MYT1: variants seen among roughly 807,000 people sequenced by gnomAD.
MYT1 encodes myelin transcription factor 1.
In MYT1, 23 loss-of-function variants were observed where a neutral mutation model predicts 123.0. The ratio of observed to expected loss-of-function variants is 0.19; its 90% CI spans 0.13 to 0.26. MYT1 has a LOEUF of 0.26. Among genes scored for constraint, MYT1 ranks in the 10% least tolerant of loss-of-function variants. The pLI, the probability that MYT1 is intolerant of heterozygous loss-of-function variation, is 1.00. For missense variants in MYT1, 1,125 were observed against 1,472.5 expected, an observed-to-expected ratio of 0.76 and a Z score of 3.86; for synonymous variants, 518 against 575.3, an observed-to-expected ratio of 0.90 and a Z score of 1.43.
chr20:64,187,283 C>T (rs571573554), intron 1 of MYT1, among the ~76,000 whole-genome samples: 5 of 143,514 alleles, frequency 3.5e-5, no homozygotes, highest in Middle Eastern at 4.9e-3. Context: ...TCCATGTTTC[C>T]GTGGAGAGTT....
chr20:64,221,873 T>C lies in MYT1; in HGVS notation c.2242-20T>C, dbSNP rs904552849. On this transcript the variant is annotated intron_variant, in intron 13 of 22. Coordinates refer to ENST00000328439, the MANE Select transcript of MYT1 (RefSeq NM_004535.3). ...CTCCCCGCCAGCCGGTTAAAACATC[T>C]TCCTGCTGGTTTTTTGCAGTCAGAG... The C allele has an allele frequency of 6.2e-7, 1 of 1,611,878 alleles. No homozygotes were observed. The highest frequency in any genetic ancestry group is 8.5e-7 in the Non-Finnish European group (1 of 1,179,510).
At chr20:64,182,323 GCAGGCC>G (rs1982678408) in intron 1 of MYT1, among the ~76,000 whole-genome samples, 1 of 152,176 alleles carries the variant, frequency 6.6e-6, no homozygotes. Flanking sequence ...CCAGGGCGTG[GCAGGCC>G]CAGCCAATAC....
In MYT1 at chr20:64,202,368, T is replaced by C. The variant is rs1407652282; in HGVS notation, c.86+2446T>C. ...TGACGTTTCAGCTTGTATTTTTGCC[T>C]GGGTCCATCTGTTGTCACATGGCCT... On this transcript the variant is annotated intron_variant, in intron 4 of 22. Coordinates refer to ENST00000328439, the MANE Select transcript of MYT1 (RefSeq NM_004535.3). The surrounding 1 kb of genome is among the most constrained non-coding windows in gnomAD (Gnocchi z 5.0). Among the ~76,000 whole-genome samples, 2 of 152,160 alleles carry C rather than the reference T, an allele frequency of 1.3e-5. No individual in the cohort carries two copies. Among genetic ancestry groups the C allele is most frequent in the Non-Finnish European group, 2.9e-5 (2 of 68,030 alleles).
At position 64,189,137 on chromosome 20, in the gene MYT1, T is replaced by C. The variant is rs1384253447; in HGVS notation, c.-98-926T>C. Among the ~76,000 whole-genome samples the C allele has an allele frequency of 6.6e-6, 1 of 152,180 alleles. No individual in the cohort carries two copies. Among genetic ancestry groups the C allele is most frequent in the Non-Finnish European group, 1.5e-5 (1 of 68,026 alleles). ...CCTAGAGAAGAATTGCATTTGGGGA[T>C]GCACATCAAAAACACGAGGAAAAGA... On this transcript the variant is annotated intron_variant, in intron 1 of 22. Transcript: ENST00000328439. The surrounding 1 kb of genome is among the most constrained non-coding windows in gnomAD (Gnocchi z 5.5).
rs1479362275 is a variant in MYT1, at chr20:64,219,696, C to G, written c.1972-17C>G. 1.3e-6 allele frequency: 2 copies of G among 1,599,156 alleles called. No individual in the cohort carries two copies. Among genetic ancestry groups the G allele is most frequent in the Admixed American group, 3.4e-5 (2 of 59,366 alleles). On this transcript the variant is annotated splice_polypyrimidine_tract_variant and intron_variant, in intron 12 of 22. Transcript: ENST00000328439. ...AAGGGATGGAATCGCTAACAGATCTCACCTTTGCCATTGCAGTCTGTGGAT... is the reference window on the plus strand; with the variant it reads ...AAGGGATGGAATCGCTAACAGATCTGACCTTTGCCATTGCAGTCTGTGGAT...
intron 1 of MYT1, among the ~76,000 whole-genome samples, chr20:64,169,542 T>A (rs1430331957): frequency 6.6e-6 from 1 of 152,162 alleles, no homozygotes; most frequent in African/African-American, 2.4e-5. Context: ...TTTCCCAGGA[T>A]AACTGCCGTC....
In MYT1 at chr20:64,236,676, C is replaced by T. The variant is rs146501388; in HGVS notation, c.2989+30C>T. ...GGATGGCTTCCTGGATTTCCCTGCTCATGGCTGGGTGCCAGGGTAAGTGAG... is the reference window on the plus strand; with the variant it reads ...GGATGGCTTCCTGGATTTCCCTGCTTATGGCTGGGTGCCAGGGTAAGTGAG... On this transcript the variant is annotated intron_variant, in intron 20 of 22. Coordinates refer to ENST00000328439, the MANE Select transcript of MYT1 (RefSeq NM_004535.3). 647 of 1,573,072 alleles carry T rather than the reference C, an allele frequency of 4.1e-4. 5 individuals are homozygous for T. In the East Asian group the frequency reaches 0.012, roughly 29 times the overall value.
At chr20:64,225,537 G>T (rs971526886) in intron 16 of MYT1, among the ~76,000 whole-genome samples, 1 of 152,234 alleles carries the variant, frequency 6.6e-6, no homozygotes, top group Non-Finnish European at 1.5e-5. Flanking sequence ...GGCATGACAG[G>T]CTTTGTGCAG....
In MYT1 at chr20:64,207,987, A is replaced by AT. The variant is rs764159845; in HGVS notation, c.791_792insT (p.Glu264AspfsTer12). The AT allele has an allele frequency of 6.3e-7, 1 of 1,596,508 alleles. No individual in the cohort carries two copies. The highest frequency in any genetic ancestry group is 8.5e-7 in the Non-Finnish European group (1 of 1,173,016). ...AGTCACGAAGAGGAGGACGAGGAGGAGGAGGAGGAGGAAGAGGAGGAGGAG... is the reference window on the plus strand; with the variant it reads ...AGTCACGAAGAGGAGGACGAGGAGGATGGAGGAGGAGGAAGAGGAGGAGGAG... On this transcript the variant is annotated frameshift_variant, in exon 7 of 23. Coordinates refer to ENST00000328439, the MANE Select transcript of MYT1 (RefSeq NM_004535.3). LOFTEE classifies it high-confidence loss of function.
In MYT1 at chr20:64,212,122, C is replaced by T. The variant is rs755610013; in HGVS notation, c.1501C>T (p.Arg501Cys). Residue 501 changes from arginine to cysteine, a missense_variant, in exon 9 of 23, where the codon CGC becomes TGC. This residue lies in a region of MYT1 where 429 missense variants were observed against 604.1 expected (regional missense o/e 0.71). Transcript: ENST00000328439. This position sits in a 1 kb window ranked among gnomAD's most constrained non-coding sequence, Gnocchi z 6.8. ...CTGQGHVNSN[R>C]NTHRSLSGCP... ...AGGCCAGGGTCACGTGAACAGCAAC[C>T]GCAACACGCACAGAAGGTACTTGGA... 6.2e-7 allele frequency: 1 copy of T among 1,612,844 alleles called. No homozygotes were observed. The highest frequency in any genetic ancestry group is 8.5e-7 in the Non-Finnish European group (1 of 1,179,564).
At chr20:64,235,338 G>T (rs1280559249) in intron 19 of MYT1, among the ~76,000 whole-genome samples, 8 of 129,026 alleles carry the variant, frequency 6.2e-5, no homozygotes, top group Non-Finnish European at 9.6e-5. Flanking sequence ...GCTGGCCGTG[G>T]TGGGTGACCC....
intron 18 of MYT1, among the ~76,000 whole-genome samples, chr20:64,229,790 TC>T (rs1192706635): frequency 6.6e-6 from 1 of 152,216 alleles, no homozygotes; most frequent in Non-Finnish European, 1.5e-5. Flanking sequence ...TTAAGTCACA[TC>T]AGGCGCTTGG....
At chr20:64,173,181 G>A (rs1254901005) in intron 1 of MYT1, among the ~76,000 whole-genome samples, 1 of 152,040 alleles carries the variant, frequency 6.6e-6, no homozygotes, top group Non-Finnish European at 1.5e-5. Flanking sequence ...GTGCCTGATT[G>A]GAAAAAGTGT....
chr20:64,214,388 CAT>C (rs1364685863), intron 10 of MYT1, among the ~76,000 whole-genome samples: 5 of 152,176 alleles, frequency 3.3e-5, no homozygotes, highest in Admixed American at 6.5e-5. Flanking sequence ...CGTGCAAGTC[CAT>C]GTGTGTGTGC....
intron 21 of MYT1, among the ~76,000 whole-genome samples, chr20:64,237,623 C>T (rs1984591705): frequency 6.6e-6 from 1 of 152,226 alleles, no homozygotes; most frequent in African/African-American, 2.4e-5. Context: ...GTTGTCCCGC[C>T]AGGGCTGTGG....
chr20:64,180,046 TCACA>T (rs760040647), intron 1 of MYT1, among the ~76,000 whole-genome samples: 3 of 138,576 alleles, frequency 2.2e-5, no homozygotes, highest in South Asian at 2.3e-4. Flanking sequence ...TGCCACACAG[TCACA>T]CACAGTTACA....
chr20:64,227,600 G>T, intron 17 of MYT1, 123 bp downstream of exon 17: 1 of 958,150 alleles, frequency 1.0e-6, no homozygotes, highest in South Asian at 1.7e-5. Flanking sequence ...TCTTTAATCT[G>T]AATTGTTGCC....
rs899122908 is a variant in MYT1 at position 64,241,317 on chromosome 20, A to C, written c.*869A>C. The C allele has an allele frequency of 3.9e-5, 6 of 152,268 alleles. No homozygotes were observed. Among genetic ancestry groups the C allele is most frequent in the Non-Finnish European group, 8.8e-5 (6 of 68,034 alleles). The allele number at this position is 152,268 out of a possible 1,614,324, so 9.4% of individuals were successfully genotyped here. On this transcript the variant is annotated 3_prime_UTR_variant, in exon 23 of 23. Coordinates refer to ENST00000328439, the MANE Select transcript of MYT1 (RefSeq NM_004535.3). This position sits in a 1 kb window ranked among gnomAD's most constrained non-coding sequence, Gnocchi z 4.2. ...TGACGGAGGTGGCAATGACATCATC[A>C]AGGTCAGAGGGTAAATTCCTAACAG...
At chr20:64,179,945 T>TCACA (rs1982591264) in intron 1 of MYT1, among the ~76,000 whole-genome samples, 3 of 19,526 alleles carry the variant, frequency 1.5e-4, no homozygotes, top group African/African-American at 7.2e-4. Flanking sequence ...ACACACACAG[T>TCACA]TACACATTTG....
Sources: allele counts gnomAD v4.1 joint callset (sites outside exome capture counted in the v4.1 genomes callset), GRCh38; gene constraint gnomAD v4.1.1; regional missense constraint gnomAD v4.1.1; non-coding constraint Gnocchi (gnomAD v3.1); transcripts MANE v1.5; gene names NCBI Gene and HGNC (gene_info 2026-07-23, HGNC 2026-07-21).